NOL4: variants seen among roughly 807,000 people sequenced by gnomAD.
The protein encoded by NOL4 is cancer/testis antigen 125.
NOL4 carries 17 observed loss-of-function variants against 75.9 expected under a neutral mutation model. That is an observed-to-expected ratio of 0.22 (90% CI 0.15 to 0.34). The LOEUF is 0.34. Ranked by LOEUF, NOL4 falls within the 10% of genes least tolerant of loss-of-function variation. The pLI, the probability that NOL4 is intolerant of heterozygous loss-of-function variation, is 1.00. For synonymous variants in NOL4, 292 were observed against 289.9 expected (o/e 1.01, Z -0.07); for missense variants, 614 against 793.5 (o/e 0.77, Z 2.72).
chr18:33,939,435 C>T (rs1434080695), intron 9 of NOL4, among the ~76,000 whole-genome samples: 1 of 151,952 alleles, frequency 6.6e-6, no homozygotes, highest in Non-Finnish European at 1.5e-5. Flanking sequence ...TTTTTTGTGT[C>T]CTCTCCTATT....
chr18:33,973,983 C>A (rs2071286348), intron 6 of NOL4, among the ~76,000 whole-genome samples: 1 of 152,164 alleles, frequency 6.6e-6, no homozygotes, highest in Admixed American at 6.5e-5. Flanking sequence ...TCCTTTGAAG[C>A]TTTGAAGCCA....
intron 4 of NOL4, among the ~76,000 whole-genome samples, chr18:34,103,687 T>A (rs984279229): frequency 6.6e-6 from 1 of 152,082 alleles, no homozygotes; most frequent in Admixed American, 6.6e-5. Flanking sequence ...AAAATAGCCT[T>A]AGTACTTAAA....
chr18:33,960,074 C>T (rs1057392834), intron 6 of NOL4, among the ~76,000 whole-genome samples: 2 of 151,872 alleles, frequency 1.3e-5, no homozygotes, highest in African/African-American at 4.8e-5. Flanking sequence ...GCTATTCCAC[C>T]TAAATAAATT....
intron 1 of NOL4, among the ~76,000 whole-genome samples, chr18:34,218,919 G>T (rs901551752): frequency 2.0e-5 from 3 of 152,144 alleles, no homozygotes; most frequent in South Asian, 2.1e-4. Context: ...ACTCCTCATG[G>T]GGTATTATTT....
At chr18:34,168,581 T>C (rs1456645512) in intron 1 of NOL4, among the ~76,000 whole-genome samples, 1 of 151,120 alleles carries the variant, frequency 6.6e-6, no homozygotes, top group Admixed American at 6.6e-5. Context: ...ATTTATGTTA[T>C]TTATAATATA....
chr18:34,087,060 T>A (rs1253934678), intron 5 of NOL4, among the ~76,000 whole-genome samples: 1 of 152,134 alleles, frequency 6.6e-6, no homozygotes, highest in Non-Finnish European at 1.5e-5. Context: ...TATTGCCATT[T>A]TGGCACTCCA....
chr18:33,928,608 C>T (rs962938228), intron 9 of NOL4, among the ~76,000 whole-genome samples: 2 of 152,028 alleles, frequency 1.3e-5, no homozygotes, highest in Admixed American at 1.3e-4. Flanking sequence ...TTATACTTCA[C>T]CACTCAGATA....
At chr18:34,042,255 C>T (rs2076173077) in intron 5 of NOL4, among the ~76,000 whole-genome samples, 1 of 151,996 alleles carries the variant, frequency 6.6e-6, no homozygotes, top group African/African-American at 2.4e-5. Context: ...AAGAGGCAAG[C>T]TCCCTAGCCA....
chr18:34,206,703 T>G (rs1382936805), intron 1 of NOL4, among the ~76,000 whole-genome samples: 2 of 152,130 alleles, frequency 1.3e-5, no homozygotes, highest in Non-Finnish European at 2.9e-5. Flanking sequence ...TTGGGAATCA[T>G]TTTTCTTTGA....
At chr18:33,905,183 G>T (rs1292072116) in intron 9 of NOL4, among the ~76,000 whole-genome samples, 1 of 152,124 alleles carries the variant, frequency 6.6e-6, no homozygotes, top group African/African-American at 2.4e-5. Flanking sequence ...TGTAGGCACT[G>T]TACTAACTTC....
At chr18:33,891,222 A>G (rs1417024455) in intron 9 of NOL4, among the ~76,000 whole-genome samples, 2 of 152,036 alleles carry the variant, frequency 1.3e-5, no homozygotes, top group African/African-American at 4.8e-5. Context: ...AATTTCCTGT[A>G]AGTAGTTGAT....
At position 34,093,182 on chromosome 18, in the gene NOL4, G is replaced by T. The variant is rs78448728; in HGVS notation, c.772+283C>A. Among the ~76,000 whole-genome samples the T allele has an allele frequency of 2.1e-3, 319 of 152,210 alleles. 11 individuals carry two copies. The East Asian group carries it at 0.055, about 26-fold the overall frequency. ...AATATCACAGAAACCAAACTGTATT[G>T]ATATAACACATATTTTAAGTTCAGG... On this transcript the variant is annotated intron_variant, in intron 5 of 10. Transcript: ENST00000261592.
intron 6 of NOL4, among the ~76,000 whole-genome samples, chr18:34,013,474 A>T (rs573322856): frequency 6.6e-6 from 1 of 151,946 alleles, no homozygotes; most frequent in African/African-American, 2.4e-5. Flanking sequence ...TTCCTTGTCA[A>T]CTAAAGAGTA....
chr18:33,992,440 A>G (rs2072989817), intron 6 of NOL4, among the ~76,000 whole-genome samples: 1 of 151,974 alleles, frequency 6.6e-6, no homozygotes, highest in East Asian at 1.9e-4. Context: ...CAACGAACAA[A>G]AAGTCTCTGG....
intron 10 of NOL4, among the ~76,000 whole-genome samples, chr18:33,862,632 A>G (rs1291460337): frequency 6.6e-6 from 1 of 152,248 alleles, no homozygotes; most frequent in East Asian, 1.9e-4. Flanking sequence ...AAACTTCTCA[A>G]AAGAAGACAT....
intron 5 of NOL4, among the ~76,000 whole-genome samples, chr18:34,069,713 C>A (rs1195973493): frequency 6.6e-6 from 1 of 152,118 alleles, no homozygotes; most frequent in Non-Finnish European, 1.5e-5. Flanking sequence ...AGAAAACCAA[C>A]CCATTATCCA....
intron 1 of NOL4, among the ~76,000 whole-genome samples, chr18:34,141,992 C>T (rs906073958): frequency 1.8e-4 from 28 of 151,958 alleles, no homozygotes; most frequent in Admixed American, 1.3e-4. Context: ...ACAAAAAAAA[C>T]AAACAACCCC....
chr18:33,958,456 T>C (rs1390003967), intron 6 of NOL4, 38 bp from the exon 7 acceptor site: 1 of 1,522,328 alleles, frequency 6.6e-7, no homozygotes, highest in Non-Finnish European at 8.9e-7. Context: ...TTTAAATTCA[T>C]TGCACAAGCT....
intron 6 of NOL4, among the ~76,000 whole-genome samples, chr18:34,001,245 C>T (rs2073679239): frequency 6.6e-6 from 1 of 152,100 alleles, no homozygotes; most frequent in Non-Finnish European, 1.5e-5. Context: ...CCTAAATAGA[C>T]TGAGATTAGC....
Sources: allele counts gnomAD v4.1 joint callset (sites outside exome capture counted in the v4.1 genomes callset), GRCh38; gene constraint gnomAD v4.1.1; transcripts MANE v1.5; gene names NCBI Gene and HGNC (gene_info 2026-07-23, HGNC 2026-07-21).